NOX4: variants seen among roughly 807,000 people sequenced by gnomAD.
NOX4 encodes the protein kidney oxidase-1.
A neutral mutation model predicts 87.6 loss-of-function variants in NOX4; 69 were observed. The observed-to-expected ratio is 0.79, with a 90% CI of 0.65 to 0.96. The LOEUF (loss-of-function observed/expected upper bound fraction) is 0.96. Ranked by LOEUF, NOX4 falls within the 40% of genes least tolerant of loss-of-function variation. The pLI, the probability that NOX4 is intolerant of heterozygous loss-of-function variation, is 0.00. For synonymous variants in NOX4, 275 were observed against 238.2 expected, an observed-to-expected ratio of 1.15 and a Z score of -1.42; for missense variants, 680 against 681.5, an observed-to-expected ratio of 1.00 and a Z score of 0.02.
chr11:89,455,790 T>G (rs1359081826), intron 2 of NOX4, among the ~76,000 whole-genome samples: 1 of 150,838 alleles, frequency 6.6e-6, no homozygotes, highest in African/African-American at 2.4e-5. Context: ...GTTACATTAT[T>G]CTTACTCCCA....
upstream of NOX4, chr11:89,498,993 T>C (rs1836882): frequency 0.16 from 24,032 of 153,752 alleles, 2,097 homozygotes; most frequent in East Asian, 0.29. Context: ...AGCACTACAG[T>C]ATAAGGCTTG....
intron 12 of NOX4, among the ~76,000 whole-genome samples, chr11:89,367,330 T>C (rs1939084067): frequency 6.6e-6 from 1 of 152,146 alleles, no homozygotes; most frequent in Admixed American, 6.6e-5. Context: ...ATTCTCATAG[T>C]TCTGGGGAAA....
At chr11:89,574,612 CTT>C in the NOX4 span, among the ~76,000 whole-genome samples, 1 of 152,172 alleles carries the variant, frequency 6.6e-6, no homozygotes, top group South Asian at 2.1e-4. Context: ...TTTTACAAGG[CTT>C]TTTCTCTCAA....
At chr11:89,434,987 A>G (rs1944004179) in intron 6 of NOX4, among the ~76,000 whole-genome samples, 1 of 152,084 alleles carries the variant, frequency 6.6e-6, no homozygotes, top group Non-Finnish European at 1.5e-5. Context: ...GCGTTATAAA[A>G]GAGCACAAAA....
chr11:89,362,399 G>A (rs1212302755), intron 12 of NOX4, among the ~76,000 whole-genome samples: 1 of 151,964 alleles, frequency 6.6e-6, no homozygotes. Context: ...GCATGTGCAG[G>A]CGGTCACTGT....
At position 89,400,323 on chromosome 11, in the gene NOX4, C is replaced by T. The variant is rs772447746; in HGVS notation, c.903G>A (p.Arg301=). 3.7e-6 allele frequency: 6 copies of T among 1,612,726 alleles called. No homozygotes were observed. The highest frequency in any genetic ancestry group is 5.1e-6 in the Non-Finnish European group (6 of 1,179,258). ...TGACTGGCTTATTGCTCCGGATATA[C>T]CTGTAAAGTCTTTCGGCACAGTACA... ...LCLYCAERLY[R]YIRSNKPVTI... is the part of the protein sequence containing the mutation. Residue 301 remains arginine, a synonymous_variant, in exon 10 of 18, where the codon AGG becomes AGA. Transcript: ENST00000263317.
intron 2 of NOX4, among the ~76,000 whole-genome samples, chr11:89,478,695 T>C (rs1227984698): frequency 6.6e-6 from 1 of 152,134 alleles, no homozygotes; most frequent in East Asian, 1.9e-4. Context: ...CCAGTACAAG[T>C]CTAAGACCAA....
chr11:89,548,495 G>A, the NOX4 span: 6 of 152,320 alleles, frequency 3.9e-5, no homozygotes, highest in East Asian at 1.2e-3. Flanking sequence ...ACTGAGACAT[G>A]TGGACATTTG....
upstream of NOX4, among the ~76,000 whole-genome samples, chr11:89,495,947 C>T (rs1946943413): frequency 6.6e-6 from 1 of 152,080 alleles, no homozygotes; most frequent in African/African-American, 2.4e-5. Flanking sequence ...TAGGAAAGCT[C>T]CATCCCAGTA....
At chr11:89,379,306 G>A (rs972285300) in intron 11 of NOX4, among the ~76,000 whole-genome samples, 2 of 151,824 alleles carry the variant, frequency 1.3e-5, no homozygotes, top group African/African-American at 4.8e-5. Context: ...CCCATCTTTT[G>A]ATCACAACAC....
At chr11:89,417,850 C>A (rs533858402) in intron 8 of NOX4, among the ~76,000 whole-genome samples, 2 of 152,122 alleles carry the variant, frequency 1.3e-5, no homozygotes, top group Admixed American at 6.6e-5. Context: ...TTATTAATCC[C>A]ATTTAATTGC....
intron 2 of NOX4, chr11:89,489,084 A>G (rs964132457): frequency 2.3e-5 from 16 of 686,242 alleles, no homozygotes; most frequent in Non-Finnish European, 4.2e-5. Flanking sequence ...TAGAAGTTAA[A>G]CTTTATAAAG....
At chr11:89,328,485 T>TA (rs1010785468) in intron 17 of NOX4, among the ~76,000 whole-genome samples, 11 of 152,264 alleles carry the variant, frequency 7.2e-5, no homozygotes, top group Admixed American at 5.9e-4. Context: ...GTGAGACTTG[T>TA]AAAGATCAAA....
At chr11:89,486,169 C>T (rs143529125) in intron 2 of NOX4, among the ~76,000 whole-genome samples, 86 of 147,294 alleles carry the variant, frequency 5.8e-4, no homozygotes, top group African/African-American at 1.8e-3. Context: ...GAAGTAAATA[C>T]TTTCACCTTC....
At chr11:89,534,050 C>G in the NOX4 span, 1 of 152,254 alleles carries the variant, frequency 6.6e-6, no homozygotes, top group Admixed American at 6.5e-5. Flanking sequence ...CCCACTTACT[C>G]CAAGTCTCAA....
chr11:89,552,542 G>A, the NOX4 span, among the ~76,000 whole-genome samples: 3 of 152,000 alleles, frequency 2.0e-5, no homozygotes, highest in Non-Finnish European at 2.9e-5. Context: ...TGTCCCCTAG[G>A]TAAGTTACCA....
intron 8 of NOX4, among the ~76,000 whole-genome samples, chr11:89,415,445 A>G (rs1194624057): frequency 6.6e-6 from 1 of 152,132 alleles, no homozygotes; most frequent in African/African-American, 2.4e-5. Context: ...GATATTAGAT[A>G]TTACAGCTCT....
At chr11:89,480,230 G>C (rs1315248819) in intron 2 of NOX4, among the ~76,000 whole-genome samples, 4 of 152,108 alleles carry the variant, frequency 2.6e-5, no homozygotes, top group African/African-American at 9.7e-5. Context: ...TGCATGCTAA[G>C]GGTTGACTGC....
intron 2 of NOX4, among the ~76,000 whole-genome samples, chr11:89,458,817 A>C (rs1332252821): frequency 1.3e-5 from 2 of 152,214 alleles, no homozygotes; most frequent in Admixed American, 1.3e-4. Flanking sequence ...GATTCCGGGA[A>C]GGTTGCAGAG....
Sources: gnomAD v4.1 joint callset for allele counts (sites outside exome capture counted in the v4.1 genomes callset) on GRCh38, gnomAD v4.1.1 for gene constraint, MANE v1.5 for transcripts, NCBI Gene and HGNC (gene_info 2026-07-23, HGNC 2026-07-21) for gene names.